Variants in GREB1L observed in about 807,000 individuals in gnomAD.
GREB1L encodes the protein GREB1-like protein.
In GREB1L, 17 loss-of-function variants were observed where a neutral mutation model predicts 200.8. That is an observed-to-expected ratio of 0.08 (90% CI 0.06 to 0.13). The LOEUF is 0.13. Among genes scored for constraint, GREB1L ranks in the 10% least tolerant of loss-of-function variants. The pLI, the probability that GREB1L is intolerant of heterozygous loss-of-function variation, is 1.00. For synonymous variants in GREB1L, 789 were observed against 893.0 expected (o/e 0.88, Z 2.08); for missense variants, 1,657 against 2,367.7 (o/e 0.70, Z 6.23).
chr18:21,410,621 C>T lies in GREB1L; in HGVS notation c.832+6627C>T, dbSNP rs143158187. On this transcript the variant is annotated intron_variant, in intron 7 of 32. Transcript: ENST00000424526. The stretch of plus-strand genomic sequence containing the variant: ...AGGGAGCCAAGATCGTGCCACTGCA[C>T]TCCAGCCTGGGAGACAGAAAAAAAA... 6.6e-5 allele frequency among the ~76,000 whole-genome samples: 10 copies of T among 151,508 alleles called. No individual in the cohort carries two copies. The East Asian group carries it at 1.9e-3, about 29-fold the overall frequency.
At chr18:21,476,630 C>T (rs1371924830) in intron 16 of GREB1L, among the ~76,000 whole-genome samples, 8 of 151,816 alleles carry the variant, frequency 5.3e-5, no homozygotes, top group African/African-American at 1.5e-4. Context: ...AGCACAGTGG[C>T]GTGATTTCTG....
intron 1 of GREB1L, among the ~76,000 whole-genome samples, chr18:21,296,406 C>G (rs1441057522): frequency 1.3e-5 from 2 of 152,100 alleles, no homozygotes; most frequent in Non-Finnish European, 2.9e-5. Context: ...AAAGATGGAA[C>G]AGTAGACACT....
At chr18:21,412,246 C>A (rs1340788285) in intron 7 of GREB1L, among the ~76,000 whole-genome samples, 3 of 147,358 alleles carry the variant, frequency 2.0e-5, no homozygotes, top group African/African-American at 5.0e-5. Flanking sequence ...ACAAAAAATA[C>A]AAAAAAAAAA....
At chr18:21,477,411 G>A in intron 17 of GREB1L, 55 bp downstream of exon 17, 1 of 1,302,688 alleles carries the variant, frequency 7.7e-7, no homozygotes, top group Middle Eastern at 2.2e-4. Flanking sequence ...TCCCAAGAGG[G>A]TAGGACCTTG....
intron 4 of GREB1L, among the ~76,000 whole-genome samples, chr18:21,392,365 A>T (rs1050551868): frequency 6.6e-6 from 1 of 152,042 alleles, no homozygotes; most frequent in Non-Finnish European, 1.5e-5. Flanking sequence ...TTTTTTTTCC[A>T]ATGGGTTCCA....
rs1204311898 is a variant in GREB1L, at chr18:21,500,594, A to C, written c.4024A>C (p.Ile1342Leu). 6.4e-7 allele frequency: 1 copy of C among 1,551,388 alleles called. No individual in the cohort carries two copies. The highest frequency in any genetic ancestry group is 1.2e-5 in the South Asian group (1 of 83,982). The change falls in exon 23 of 33, where the codon ATC becomes CTC. Residue 1342 changes from isoleucine to leucine, a missense_variant. By Grantham distance (5) the Ile-to-Leu change is conservative. Coordinates refer to ENST00000424526, the MANE Select transcript of GREB1L (RefSeq NM_001142966.3). ...CCTCAGGATCCTCTTCCGCATGCTCATCAGGCTCCTGGAGGTGGACGTGTA... is the reference window on the plus strand; with the variant it reads ...CCTCAGGATCCTCTTCCGCATGCTCCTCAGGCTCCTGGAGGTGGACGTGTA... ...QFLRILFRML[I>L]RLLEVDVYDE... is the part of the protein sequence containing the mutation.
intron 1 of GREB1L, among the ~76,000 whole-genome samples, chr18:21,283,577 T>C (rs752938573): frequency 5.9e-5 from 9 of 152,290 alleles, no homozygotes; most frequent in Non-Finnish European, 1.3e-4. Context: ...AAAGCTTTCA[T>C]TTAGCACTAA....
At chr18:21,425,250 CTA>C (rs2032470648) in intron 7 of GREB1L, among the ~76,000 whole-genome samples, 1 of 151,502 alleles carries the variant, frequency 6.6e-6, no homozygotes, top group Non-Finnish European at 1.5e-5. Flanking sequence ...AAGCATAAAC[CTA>C]TGTTTATCCA....
At chr18:21,371,349 C>G (rs2039864110) in intron 2 of GREB1L, among the ~76,000 whole-genome samples, 1 of 151,910 alleles carries the variant, frequency 6.6e-6, no homozygotes, top group African/African-American at 2.4e-5. Context: ...GCCTTTGGAA[C>G]TTTTACATTA....
intron 1 of GREB1L, among the ~76,000 whole-genome samples, chr18:21,300,656 TC>T (rs1208503911): frequency 1.3e-5 from 2 of 152,240 alleles, no homozygotes; most frequent in Non-Finnish European, 2.9e-5. Context: ...TTTCACCTAG[TC>T]TGTCCATCTG....
intron 5 of GREB1L, 47 bp from the exon 6 acceptor site, chr18:21,401,103 G>A (rs1278042160): frequency 6.3e-6 from 9 of 1,432,248 alleles, no homozygotes; most frequent in Non-Finnish European, 8.7e-6. Context: ...TAAAAGTATT[G>A]TATCAACTTA....
chr18:21,496,792 C>A (rs571446483), intron 21 of GREB1L, 94 bp downstream of exon 21: 77 of 1,407,984 alleles, frequency 5.5e-5, no homozygotes, highest in Non-Finnish European at 7.2e-5. Flanking sequence ...GACACCCCAA[C>A]GGCCTTCAGA....
At chr18:21,376,695 C>T (rs571257177) in intron 2 of GREB1L, among the ~76,000 whole-genome samples, 2 of 150,582 alleles carry the variant, frequency 1.3e-5, no homozygotes, top group South Asian at 4.2e-4. Context: ...GTCCCAGCTA[C>T]TTGGGAGGCT....
chr18:21,313,183 T>A (rs1325771006), intron 1 of GREB1L, among the ~76,000 whole-genome samples: 3 of 151,422 alleles, frequency 2.0e-5, no homozygotes, highest in Non-Finnish European at 4.4e-5. Context: ...AAATATTAAA[T>A]ATTTTTATTT....
intron 11 of GREB1L, among the ~76,000 whole-genome samples, chr18:21,448,899 T>C (rs2034378889): frequency 6.6e-6 from 1 of 152,194 alleles, no homozygotes; most frequent in South Asian, 2.1e-4. Flanking sequence ...AAATGGCATA[T>C]TTAACAATCC....
At chr18:21,321,314 AATCTT>A (rs2038947970) in intron 1 of GREB1L, among the ~76,000 whole-genome samples, 1 of 151,942 alleles carries the variant, frequency 6.6e-6, no homozygotes, top group African/African-American at 2.4e-5. Flanking sequence ...AATAAAATAA[AATCTT>A]AAGAAACCTT....
Position 21,522,779 on chromosome 18 carries a change from T to C in GREB1L, c.5730T>C (p.Ser1910=). 6.4e-7 allele frequency: 1 copy of C among 1,551,656 alleles called. No homozygotes were observed. Among genetic ancestry groups the C allele is most frequent in the South Asian group, 1.2e-5 (1 of 84,038 alleles). The change falls in exon 33 of 33, where the codon AGT becomes AGC. Residue 1910 remains serine, a synonymous_variant. Coordinates refer to ENST00000424526, the MANE Select transcript of GREB1L (RefSeq NM_001142966.3). Reference sequence around the variant, plus strand: ...ACGAGTTTCAAACTGCTAACAGCAGTGATGACAAGCCTCTCTACTTTCTTA... The same window carrying C: ...ACGAGTTTCAAACTGCTAACAGCAGCGATGACAAGCCTCTCTACTTTCTTA... The part of the protein sequence containing the change: ...LRDEFQTANS[S]DDKPLYFLTG...
Position 21,444,281 on chromosome 18 carries a change from T to G in GREB1L, c.1265T>G (p.Leu422Arg). The G allele has an allele frequency of 6.4e-7, 1 of 1,551,688 alleles. No homozygotes were observed. The highest frequency in any genetic ancestry group is 8.7e-7 in the Non-Finnish European group (1 of 1,146,748). Residue 422 changes from leucine (L) to arginine (R), a missense_variant, in exon 11 of 33, where the codon CTG becomes CGG. By Grantham distance (102) the Leu-to-Arg change is moderately radical (BLOSUM62 -2). This residue lies in a region of GREB1L where 289 missense variants were observed against 345.1 expected (regional missense o/e 0.84). Transcript: ENST00000424526. ...GTTGGTGACATTGTTGTGAGTCCTCTGCTGGTGAATTGCTACAAGATTCCA... is the reference window on the plus strand; with the variant it reads ...GTTGGTGACATTGTTGTGAGTCCTCGGCTGGTGAATTGCTACAAGATTCCA... ...GNVGDIVVSP[L>R]LVNCYKIPQL... is the part of the protein sequence containing the mutation.
At chr18:21,426,987 A>C (rs1385231238) in intron 7 of GREB1L, among the ~76,000 whole-genome samples, 5 of 94,898 alleles carry the variant, frequency 5.3e-5, no homozygotes, top group Middle Eastern at 6.3e-3. Flanking sequence ...AAAAAAAAAA[A>C]CAAAAAAAAA....
Sources: allele counts gnomAD v4.1 joint callset (sites outside exome capture counted in the v4.1 genomes callset), GRCh38; gene constraint gnomAD v4.1.1; regional missense constraint gnomAD v4.1.1; transcripts MANE v1.5; gene names NCBI Gene and HGNC (gene_info 2026-07-23, HGNC 2026-07-21).